Variants in ZNF558 observed in about 807,000 individuals in gnomAD.
ZNF558 encodes the protein zinc finger protein 558.
In ZNF558, 23 loss-of-function variants were observed where a neutral mutation model predicts 37.6. That is an observed-to-expected ratio of 0.61 (90% confidence interval 0.44 to 0.87). The LOEUF is 0.87. ZNF558 is among the 40% of genes least tolerant of loss of function. ZNF558 has a pLI of 0.00. For missense variants in ZNF558, 429 were observed against 483.7 expected (o/e 0.89, Z 1.06); for synonymous variants, 189 against 174.4 (o/e 1.08, Z -0.66).
In ZNF558 at chr19:8,821,196, C is replaced by T; in HGVS notation, c.231G>A (p.Arg77=). 6.2e-7 allele frequency: 1 copy of T among 1,614,076 alleles called. No homozygotes were observed. The highest frequency in any genetic ancestry group is 8.5e-7 in the Non-Finnish European group (1 of 1,179,948). ...LYRDVMLENC[R]NLASLGCRVN... Reference sequence around the variant, plus strand: ...TAGGCTTACCTAGTGAGGCCAGGTTCCTGCAGTTCTCCAGCATCACATCCC... The same window carrying T: ...TAGGCTTACCTAGTGAGGCCAGGTTTCTGCAGTTCTCCAGCATCACATCCC... The change falls in exon 7 of 10, where the codon AGG becomes AGA. Residue 77 remains arginine, a synonymous_variant. Transcript: ENST00000601372.
rs1408659701 is a variant in ZNF558 at position 8,808,480 on chromosome 19, TACATAA to T, written c.*2795_*2800del. ...AAAAATGACAAAATTACAGTGTTAA[TACATAA>T]ACATAATGGAAGAGTTTACCACACC... On this transcript the variant is annotated 3_prime_UTR_variant, in exon 10 of 10. Coordinates refer to ENST00000601372, the MANE Select transcript of ZNF558 (RefSeq NM_144693.3). 3 of 152,160 alleles carry T rather than the reference TACATAA, an allele frequency of 2.0e-5. No homozygotes were observed. Among genetic ancestry groups the T allele is most frequent in the African/African-American group, 7.2e-5 (3 of 41,442 alleles). 9.4% of individuals were successfully genotyped at this position (152,160 alleles called of 1,614,324 possible).
intron 7 of ZNF558, among the ~76,000 whole-genome samples, chr19:8,814,496 A>C (rs1395555589): frequency 1.3e-5 from 2 of 152,186 alleles, no homozygotes; most frequent in Non-Finnish European, 2.9e-5. Flanking sequence ...ATGGGGAAAA[A>C]GATGTTTGGG....
In ZNF558 at chr19:8,822,017, T is replaced by C. The variant is rs1568470577; in HGVS notation, c.106A>G (p.Thr36Ala). The C allele has an allele frequency of 6.2e-7, 1 of 1,614,030 alleles. No individual in the cohort carries two copies. Among genetic ancestry groups the C allele is most frequent in the East Asian group, 2.2e-5 (1 of 44,868 alleles). Residue 36 changes from threonine to alanine, a missense_variant, in exon 6 of 10, where the codon ACA (threonine) becomes GCA (alanine). Transcript: ENST00000601372. The surrounding 1 kb of genome is among the most constrained non-coding windows in gnomAD (Gnocchi z 4.4). ...ATCTGACTCACCCGTAGCCAGCTTG[T>C]CAGGAGCTCATTAACCAGCTCTCCG... ...QGGELVNELL[T>A]SWLRGLVTFE...
upstream of ZNF558, among the ~76,000 whole-genome samples, chr19:8,832,824 T>C (rs971562904): frequency 2.1e-4 from 31 of 150,606 alleles, no homozygotes; most frequent in Admixed American, 1.7e-3. Flanking sequence ...AACCAGGCTG[T>C]GGTTGTGACA....
intron 7 of ZNF558, among the ~76,000 whole-genome samples, chr19:8,815,079 T>C (rs1443951410): frequency 1.3e-5 from 2 of 152,024 alleles, no homozygotes; most frequent in South Asian, 2.1e-4. Context: ...AAAATAATTA[T>C]GAGGGAGGCA....
chr19:8,812,757 G>T, intron 8 of ZNF558, 114 bp from the exon 9 acceptor site: 1 of 610,710 alleles, frequency 1.6e-6, no homozygotes, highest in Non-Finnish European at 2.7e-6. Context: ...TTGCAACAAA[G>T]AGGATTTGGT....
At chr19:8,835,698 A>G (rs3859518), upstream of ZNF558, among the ~76,000 whole-genome samples, 5 of 22,508 alleles carry the variant, frequency 2.2e-4, no homozygotes, top group African/African-American at 4.7e-4. Flanking sequence ...AAATGAAAAC[A>G]TGTGTTCACA....
chr19:8,813,250 T>C (rs973262650), intron 7 of ZNF558, 28 bp from the exon 8 acceptor site: 13 of 1,535,470 alleles, frequency 8.5e-6, no homozygotes, highest in Non-Finnish European at 1.2e-5. Flanking sequence ...ACACATGATA[T>C]AGGTAACAGT....
At chr19:8,824,749 T>C (rs1048128515) in intron 3 of ZNF558, among the ~76,000 whole-genome samples, 2 of 152,088 alleles carry the variant, frequency 1.3e-5, no homozygotes, top group African/African-American at 4.8e-5. Flanking sequence ...CTCCGCCCTT[T>C]CCCTTCTAGC....
chr19:8,831,020 T>G (rs2044339863), intron 2 of ZNF558: 1 of 152,216 alleles, frequency 6.6e-6, no homozygotes, highest in Non-Finnish European at 1.5e-5. Flanking sequence ...TTATATAAAA[T>G]TCAGAAACTT....
upstream of ZNF558, among the ~76,000 whole-genome samples, chr19:8,836,271 GCTT>G (rs2044454199): frequency 1.3e-5 from 2 of 152,102 alleles, no homozygotes; most frequent in South Asian, 4.1e-4. Flanking sequence ...AAATATGAGT[GCTT>G]CTTCCTCAAA....
intron 7 of ZNF558, among the ~76,000 whole-genome samples, chr19:8,815,465 G>A (rs1382813047): frequency 2.6e-5 from 4 of 152,118 alleles, no homozygotes; most frequent in East Asian, 3.9e-4. Context: ...TAGGACAATC[G>A]ATATTATCCA....
At position 8,821,057 on chromosome 19, in the gene ZNF558, A is replaced by G. The variant is rs1486475667; in HGVS notation, c.247+123T>C. The G allele has an allele frequency of 2.8e-6, 4 of 1,417,730 alleles. No homozygotes were observed. The African/African-American group carries it at 4.3e-5, about 15-fold the overall frequency. 87.8% of individuals were successfully genotyped at this position (1,417,730 alleles called of 1,614,324 possible). ...GAAAAACCACTGGACTGGATATCTT[A>G]GAATGGTTAAAAATGGTGAATTTTA... On this transcript the variant is annotated intron_variant, in intron 7 of 9. Coordinates refer to ENST00000601372, the MANE Select transcript of ZNF558 (RefSeq NM_144693.3).
rs2043828735 is a variant in ZNF558, at chr19:8,812,785, T to C, written c.344-142A>G. The C allele has an allele frequency of 5.4e-6, 3 of 558,370 alleles. No individual in the cohort carries two copies. The East Asian group carries it at 8.9e-5, about 17-fold the overall frequency. 34.6% of individuals were successfully genotyped at this position (558,370 alleles called of 1,614,324 possible). On this transcript the variant is annotated intron_variant, in intron 8 of 9. Coordinates refer to ENST00000601372, the MANE Select transcript of ZNF558 (RefSeq NM_144693.3). ...GATTTGGTTATGAAAATTTTAGGTA[T>C]TAATTTTAAAAAAGGATTCTAGACA...
upstream of ZNF558, among the ~76,000 whole-genome samples, chr19:8,833,743 C>T (rs2044417067): frequency 6.6e-6 from 1 of 152,132 alleles, no homozygotes; most frequent in Admixed American, 6.5e-5. Flanking sequence ...AATCCCAACA[C>T]TTTGGGAGGC....
In ZNF558 at chr19:8,809,716, AAT is replaced by A. The variant is rs1555767059; in HGVS notation, c.*1563_*1564del. ...TAAATACATTGCATTAAAATTATGA[AAT>A]ATGTTAATGTTTATTTTAGGGAACA... On this transcript the variant is annotated 3_prime_UTR_variant, in exon 10 of 10. Coordinates refer to ENST00000601372, the MANE Select transcript of ZNF558 (RefSeq NM_144693.3). 2.6e-5 allele frequency: 4 copies of A among 152,312 alleles called. No individual in the cohort carries two copies. Among genetic ancestry groups the A allele is most frequent in the East Asian group, 1.9e-4 (1 of 5,188 alleles). The allele number at this position is 152,312 out of a possible 1,614,324, so 9.4% of individuals were successfully genotyped here.
At position 8,821,392 on chromosome 19, in the gene ZNF558, G is replaced by A. The variant is rs542537698; in HGVS notation, c.121-86C>T. On this transcript the variant is annotated intron_variant, in intron 6 of 9. Transcript: ENST00000601372. ...GAGGGGCCAGGAGAACAGAGCCAGG[G>A]CTGGGGAAACCTGAGCACGAGATGT... 763 of 1,612,840 alleles carry A rather than the reference G, an allele frequency of 4.7e-4. 7 individuals carry two copies. The Middle Eastern group carries it at 7.1e-3, about 15-fold the overall frequency.
chr19:8,809,468 G>C lies in ZNF558; in HGVS notation c.*1813C>G, dbSNP rs114876718. 1.3e-5 allele frequency: 2 copies of C among 152,002 alleles called. No individual in the cohort carries two copies. Among genetic ancestry groups the C allele is most frequent in the African/African-American group, 4.8e-5 (2 of 41,356 alleles). 9.4% of individuals were successfully genotyped at this position (152,002 alleles called of 1,614,324 possible). On this transcript the variant is annotated 3_prime_UTR_variant, in exon 10 of 10. Transcript: ENST00000601372. ...TTTAAACGAATAAACTGAAGAGAAC[G>C]GACACTGGGAAAGAAACCAACAGTA...
intron 2 of ZNF558, among the ~76,000 whole-genome samples, chr19:8,827,211 G>A (rs1207907001): frequency 6.6e-6 from 1 of 152,164 alleles, no homozygotes; most frequent in Admixed American, 6.5e-5. Flanking sequence ...CAGCAGATGG[G>A]CCACTCTATG....
Sources: gnomAD v4.1 joint callset for allele counts (sites outside exome capture counted in the v4.1 genomes callset) on GRCh38, gnomAD v4.1.1 for gene constraint, Gnocchi (gnomAD v3.1) non-coding constraint, MANE v1.5 for transcripts, NCBI Gene and HGNC (gene_info 2026-07-23, HGNC 2026-07-21) for gene names.